HDAC9: variants seen among roughly 807,000 people sequenced by gnomAD.
HDAC9 encodes MEF-2 interacting transcription repressor (MITR) protein.
Under a neutral mutation model 139.4 loss-of-function variants are expected in HDAC9, and 41 were observed. That is an observed-to-expected ratio of 0.29 (90% CI 0.23 to 0.38). The LOEUF (loss-of-function observed/expected upper bound fraction) is 0.38, where lower values mean the gene tolerates loss of function less well. Ranked by LOEUF, HDAC9 falls within the 10% of genes least tolerant of loss-of-function variation. HDAC9 has a pLI of 1.00. For missense variants in HDAC9, 1,147 were observed against 1,297.0 expected, an observed-to-expected ratio of 0.88 and a Z score of 1.78; for synonymous variants, 517 against 476.2, an observed-to-expected ratio of 1.09 and a Z score of -1.12.
At chr7:18,547,857 T>TTCCTTCCTTCCTTCCTTCCCTCCCTCCC (rs1563229989) in intron 2 of HDAC9, among the ~76,000 whole-genome samples, 4 of 118,458 alleles carry the variant, frequency 3.4e-5, no homozygotes, top group African/African-American at 1.6e-4. Flanking sequence ...CCTTCCTTCC[T>TTCCTTCCTTCCTTCCTTCCCTCCCTCCC]ACCCTCCCTC....
intron 2 of HDAC9, among the ~76,000 whole-genome samples, chr7:18,279,605 A>G (rs540864004): frequency 1.2e-4 from 18 of 152,034 alleles, no homozygotes; most frequent in African/African-American, 4.3e-4. Flanking sequence ...AGCTGGGACT[A>G]CAGGCGCCCG....
At chr7:18,745,701 C>T (rs959126436) in intron 13 of HDAC9, among the ~76,000 whole-genome samples, 2 of 151,204 alleles carry the variant, frequency 1.3e-5, no homozygotes, top group Non-Finnish European at 3.0e-5. Context: ...CGCCCGCCAC[C>T]ACGCCTGGCT....
chr7:18,108,522 C>G (rs1324799791), intron 1 of HDAC9, among the ~76,000 whole-genome samples: 1 of 150,940 alleles, frequency 6.6e-6, no homozygotes, highest in African/African-American at 2.4e-5. Context: ...CAAATGAGAA[C>G]TTATTTTCTT....
At chr7:18,479,384 T>C (rs1215912436) in intron 1 of HDAC9, among the ~76,000 whole-genome samples, 1 of 152,166 alleles carries the variant, frequency 6.6e-6, no homozygotes, top group African/African-American at 2.4e-5. Context: ...TTGAAAATCT[T>C]CCCTTCTCTG....
intron 25 of HDAC9, among the ~76,000 whole-genome samples, chr7:18,981,381 T>G (rs1784940720): frequency 6.6e-6 from 1 of 152,146 alleles, no homozygotes; most frequent in Non-Finnish European, 1.5e-5. Flanking sequence ...CCTCAAAACG[T>G]TCACATACCT....
Position 18,629,432 on chromosome 7 carries a change from G to C in HDAC9, c.747G>C (p.Lys249Asn). ...GAAGCAGCCCCTTACTCAGGCGGAA[G>C]GATGGAAATGTTGTCACTTCATTCA... Reference protein sequence around the residue: ...ERRSSPLLRRKDGNVVTSFKK... With the variant: ...ERRSSPLLRRNDGNVVTSFKK... Residue 249 changes from lysine (K) to asparagine (N), a missense_variant, in exon 7 of 26, where the codon AAG (lysine) becomes AAC (asparagine). By Grantham distance (94) the Lys-to-Asn change is moderately conservative. This residue lies in a region of HDAC9 where 264 missense variants were observed against 273.8 expected (regional missense o/e 0.96). Transcript: ENST00000686413. The C allele has an allele frequency of 2.5e-6, 4 of 1,612,272 alleles. No homozygotes were observed. The highest frequency in any genetic ancestry group is 3.4e-6 in the Non-Finnish European group (4 of 1,179,090).
chr7:18,509,521 A>G (rs1800813442), intron 2 of HDAC9: 1 of 848,620 alleles, frequency 1.2e-6, no homozygotes, highest in Non-Finnish European at 1.4e-6. Flanking sequence ...TGAAAGCTGT[A>G]TTTTTTAAAT....
At chr7:18,578,297 C>G in intron 2 of HDAC9, 1 of 505,650 alleles carries the variant, frequency 2.0e-6, no homozygotes, top group South Asian at 1.4e-5. Flanking sequence ...GCCTGCTATT[C>G]GTAACGACCC....
intron 12 of HDAC9, among the ~76,000 whole-genome samples, chr7:18,706,717 G>T (rs1349770640): frequency 6.6e-6 from 1 of 152,044 alleles, no homozygotes; most frequent in African/African-American, 2.4e-5. Flanking sequence ...AGAGGTAAAG[G>T]GTGCTGCTAA....
chr7:18,380,131 C>T (rs1202260229), intron 1 of HDAC9, among the ~76,000 whole-genome samples: 1 of 152,134 alleles, frequency 6.6e-6, no homozygotes, highest in East Asian at 1.9e-4. Flanking sequence ...AAGGCAGAGG[C>T]TCTCTCAAAT....
intron 2 of HDAC9, among the ~76,000 whole-genome samples, chr7:18,541,279 T>A (rs1812846450): frequency 6.6e-6 from 1 of 151,292 alleles, no homozygotes; most frequent in Non-Finnish European, 1.5e-5. Context: ...GATGGGTGCC[T>A]TTTGCTTTGC....
chr7:18,253,458 G>T (rs1795051740), intron 2 of HDAC9, among the ~76,000 whole-genome samples: 1 of 152,148 alleles, frequency 6.6e-6, no homozygotes, highest in African/African-American at 2.4e-5. Context: ...AATGGTATGA[G>T]ATGGTATCTC....
At chr7:18,380,921 G>T (rs1391601189) in intron 1 of HDAC9, among the ~76,000 whole-genome samples, 2 of 152,006 alleles carry the variant, frequency 1.3e-5, no homozygotes, top group Non-Finnish European at 2.9e-5. Flanking sequence ...CAGGTGCTGT[G>T]GCTCATGCCT....
chr7:18,753,515 A>G (rs1184760086), intron 14 of HDAC9, among the ~76,000 whole-genome samples: 1 of 152,110 alleles, frequency 6.6e-6, no homozygotes, highest in Non-Finnish European at 1.5e-5. Context: ...CTGCTGACAT[A>G]CAGAGAAGGG....
intron 17 of HDAC9, 45 bp downstream of exon 17, chr7:18,793,497 CT>C: frequency 8.3e-7 from 1 of 1,208,552 alleles, no homozygotes; most frequent in Non-Finnish European, 1.2e-6. Context: ...AGAGAAGAAA[CT>C]GAAACAGAGA....
chr7:18,153,583 G>T (rs1408994261), intron 1 of HDAC9, among the ~76,000 whole-genome samples: 1 of 152,152 alleles, frequency 6.6e-6, no homozygotes, highest in African/African-American at 2.4e-5. Flanking sequence ...TGCAGAAAAA[G>T]GTGGGGAGGG....
chr7:18,365,523 G>A (rs1324907314), intron 1 of HDAC9, among the ~76,000 whole-genome samples: 3 of 152,010 alleles, frequency 2.0e-5, no homozygotes, highest in Non-Finnish European at 4.4e-5. Flanking sequence ...CATTTTTGCA[G>A]TATTTTGTCT....
intron 14 of HDAC9, among the ~76,000 whole-genome samples, chr7:18,760,257 T>G (rs1010347229): frequency 6.6e-6 from 1 of 152,166 alleles, no homozygotes; most frequent in African/African-American, 2.4e-5. Context: ...TTACCATTAT[T>G]TATCTTGAGG....
At chr7:18,209,088 C>G (rs1012992528) in intron 2 of HDAC9, among the ~76,000 whole-genome samples, 2 of 152,152 alleles carry the variant, frequency 1.3e-5, no homozygotes, top group African/African-American at 4.8e-5. Flanking sequence ...TCCTGTGGGC[C>G]TTTTGGTCTG....
Sources: gnomAD v4.1 joint callset for allele counts (sites outside exome capture counted in the v4.1 genomes callset) on GRCh38, gnomAD v4.1.1 for gene constraint, gnomAD v4.1.1 regional missense constraint, MANE v1.5 for transcripts, NCBI Gene and HGNC (gene_info 2026-07-23, HGNC 2026-07-21) for gene names.